CWF19L1: variants seen among roughly 807,000 people sequenced by gnomAD.
CWF19L1 encodes the protein CWF19 like cell cycle control factor 1, also known as CWF19-like protein 1.
Under a neutral mutation model 69.7 loss-of-function variants are expected in CWF19L1, and 60 were observed. The ratio of observed to expected loss-of-function variants is 0.86; its 90% CI spans 0.70 to 1.07. CWF19L1 has a LOEUF of 1.07. CWF19L1 is among the 50% of genes least tolerant of loss of function. The pLI is 0.00. For synonymous variants in CWF19L1, 209 were observed against 222.2 expected (o/e 0.94, Z 0.53); for missense variants, 591 against 638.9 (o/e 0.92, Z 0.81).
intron 1 of CWF19L1, among the ~76,000 whole-genome samples, chr10:100,267,147 C>CAAAAA: frequency 3.2e-5 from 1 of 30,770 alleles, no homozygotes; most frequent in Non-Finnish European, 5.8e-5. Flanking sequence ...CTCCTCCTCG[C>CAAAAA]AAAAAAAAAA....
In CWF19L1 at chr10:100,250,220, A is replaced by G. The variant is rs748242529; in HGVS notation, c.708+28T>C. The G allele has an allele frequency of 2.4e-5, 34 of 1,420,722 alleles. No homozygotes were observed. In the African/African-American group the frequency reaches 3.8e-4, roughly 16 times the overall value. The allele number at this position is 1,420,722 out of a possible 1,614,324, so 88.0% of individuals were successfully genotyped here. On this transcript the variant is annotated intron_variant, in intron 7 of 13. Transcript: ENST00000354105. ...TTTATCAGGCAGACCATGAATATCA[A>G]CCTTCCACCAAATAGGTAAATCTTT...
chr10:100,239,611 C>T (rs755962837), intron 10 of CWF19L1, among the ~76,000 whole-genome samples: 5 of 152,164 alleles, frequency 3.3e-5, no homozygotes, highest in Admixed American at 6.5e-5. Flanking sequence ...TGCACTCCAG[C>T]CTGGGCGACA....
chr10:100,237,804 G>A (rs913970598), intron 11 of CWF19L1, among the ~76,000 whole-genome samples: 7 of 151,716 alleles, frequency 4.6e-5, no homozygotes, highest in Non-Finnish European at 2.9e-5. Context: ...GCACCACCAC[G>A]CCCAGCTAAT....
At chr10:100,257,576 G>A (rs1179550796) in intron 4 of CWF19L1, among the ~76,000 whole-genome samples, 1 of 151,910 alleles carries the variant, frequency 6.6e-6, no homozygotes, top group African/African-American at 2.4e-5. Context: ...AGGATTACAG[G>A]TGTGAGCCAC....
intron 10 of CWF19L1, among the ~76,000 whole-genome samples, chr10:100,240,538 C>T (rs544453569): frequency 1.3e-5 from 2 of 152,222 alleles, no homozygotes; most frequent in South Asian, 4.2e-4. Flanking sequence ...ACCTTTTTCC[C>T]CTCTAGTTTC....
At chr10:100,240,671 A>G (rs1475907490) in intron 10 of CWF19L1, among the ~76,000 whole-genome samples, 1 of 152,222 alleles carries the variant, frequency 6.6e-6, no homozygotes, top group Non-Finnish European at 1.5e-5. Flanking sequence ...TGAGGCCTAG[A>G]GCAGCACTGA....
rs1846845713 is a variant in CWF19L1 at position 100,246,953 on chromosome 10, A to G, written c.709-18T>C. 1.3e-6 allele frequency: 2 copies of G among 1,590,322 alleles called. No individual in the cohort carries two copies. The highest frequency in any genetic ancestry group is 1.1e-5 in the South Asian group (1 of 88,662). On this transcript the variant is annotated intron_variant, in intron 7 of 13. Transcript: ENST00000354105. ...TAAAGATACTTTAGAGAAAAAGAAC[A>G]TAATGACATTAGGGGAAATACTATT...
At chr10:100,250,468 T>A (rs1589622745) in intron 6 of CWF19L1, 136 bp from the exon 7 acceptor site, 1 of 641,092 alleles carries the variant, frequency 1.6e-6, no homozygotes, top group East Asian at 2.7e-5. Flanking sequence ...TGATTTCAGA[T>A]AAGTTACTAT....
At chr10:100,245,274 G>A (rs1589617596) in intron 9 of CWF19L1, among the ~76,000 whole-genome samples, 1 of 151,924 alleles carries the variant, frequency 6.6e-6, no homozygotes, top group Non-Finnish European at 1.5e-5. Context: ...GCCTGGCTCA[G>A]CCTCCCAAAG....
Position 100,246,955 on chromosome 10 carries a change from A to G in CWF19L1, c.709-20T>C. ...AAGATACTTTAGAGAAAAAGAACATAATGACATTAGGGGAAATACTATTTA... is the reference window on the plus strand; with the variant it reads ...AAGATACTTTAGAGAAAAAGAACATGATGACATTAGGGGAAATACTATTTA... On this transcript the variant is annotated intron_variant, in intron 7 of 13. Transcript: ENST00000354105. The G allele has an allele frequency of 1.9e-6, 3 of 1,587,990 alleles. No individual in the cohort carries two copies. The highest frequency in any genetic ancestry group is 2.6e-6 in the Non-Finnish European group (3 of 1,161,596).
intron 1 of CWF19L1, among the ~76,000 whole-genome samples, chr10:100,266,500 G>A (rs1020867003): frequency 2.7e-5 from 4 of 146,608 alleles, no homozygotes; most frequent in Non-Finnish European, 6.0e-5. Flanking sequence ...TATCACTATG[G>A]TAACTTTACA....
intron 2 of CWF19L1, 22 bp from the exon 3 acceptor site, chr10:100,261,066 G>A (rs1402930739): frequency 3.3e-6 from 5 of 1,514,658 alleles, no homozygotes; most frequent in Non-Finnish European, 4.6e-6. Flanking sequence ...TTTTTAAACA[G>A]ATATATGAGA....
chr10:100,249,521 T>A (rs1359179143), intron 7 of CWF19L1, among the ~76,000 whole-genome samples: 1 of 152,154 alleles, frequency 6.6e-6, no homozygotes, highest in Admixed American at 6.5e-5. Context: ...AGATTCCAGG[T>A]ATCACTAAGA....
intron 1 of CWF19L1, chr10:100,262,424 T>A: frequency 2.0e-6 from 2 of 985,412 alleles, no homozygotes; most frequent in Non-Finnish European, 2.4e-6. Flanking sequence ...ATTCATTCTA[T>A]CCTTCTTATT....
chr10:100,238,285 A>T, intron 10 of CWF19L1, 54 bp from the exon 11 acceptor site: 2 of 1,546,202 alleles, frequency 1.3e-6, no homozygotes, highest in Non-Finnish European at 1.8e-6. Context: ...AGGATTCTCC[A>T]GGGAGAAAAA....
intron 1 of CWF19L1, 136 bp downstream of exon 1, chr10:100,267,435 C>G: frequency 6.4e-7 from 1 of 1,572,672 alleles, no homozygotes; most frequent in Non-Finnish European, 8.6e-7. Flanking sequence ...AAGACATCAC[C>G]TAAGCTCCCC....
intron 11 of CWF19L1, chr10:100,237,279 G>A: frequency 1.8e-6 from 1 of 558,936 alleles, no homozygotes; most frequent in Admixed American, 2.0e-5. Context: ...TAACAAATGT[G>A]CCAAAAAGAA....
intron 6 of CWF19L1, among the ~76,000 whole-genome samples, chr10:100,252,738 AGGCAGGAG>A (rs1847082566): frequency 4.0e-5 from 6 of 151,256 alleles, no homozygotes; most frequent in South Asian, 2.1e-4. Flanking sequence ...CAGGAGGCTG[AGGCAGGAG>A]AATCACTTGA....
intron 7 of CWF19L1, chr10:100,248,700 G>C (rs930713114): frequency 4.8e-6 from 5 of 1,044,994 alleles, no homozygotes; most frequent in African/African-American, 3.0e-5. Context: ...TGGTCTCCAG[G>C]CAGATGAGCA....
Sources: allele counts gnomAD v4.1 joint callset (sites outside exome capture counted in the v4.1 genomes callset), GRCh38; gene constraint gnomAD v4.1.1; transcripts MANE v1.5; gene names NCBI Gene and HGNC (gene_info 2026-07-23, HGNC 2026-07-21).